Variants in INSL6 observed in about 807,000 individuals in gnomAD.
INSL6 encodes the protein insulin like 6.
A neutral mutation model predicts 9.4 loss-of-function variants in INSL6; 16 were observed. The ratio of observed to expected loss-of-function variants is 1.70; its 90% CI spans 1.15 to 2.59. The LOEUF (loss-of-function observed/expected upper bound fraction) is 2.59, where lower values mean the gene tolerates loss of function less well. Among genes scored for constraint, INSL6 ranks in the 30% most tolerant of loss-of-function variants. The pLI is 0.00. For synonymous variants in INSL6, 154 were observed against 96.9 expected (o/e 1.59, Z -3.46); for missense variants, 391 against 257.3 (o/e 1.52, Z -3.56).
At chr9:5,060,257 C>T in the INSL6 span, among the ~76,000 whole-genome samples, 1 of 152,162 alleles carries the variant, frequency 6.6e-6, no homozygotes, top group Non-Finnish European at 1.5e-5. Flanking sequence ...AGTGTGGTGG[C>T]TGCTTAAGGT....
chr9:5,044,655 A>G, the INSL6 span: 7 of 525,916 alleles, frequency 1.3e-5, no homozygotes, highest in Admixed American at 3.8e-5. Context: ...CAGAGAAGTA[A>G]CAAAATTGAG....
At chr9:5,053,849 C>T in the INSL6 span, among the ~76,000 whole-genome samples, 20 of 151,612 alleles carry the variant, frequency 1.3e-4, no homozygotes, top group Admixed American at 7.9e-4. Context: ...TGAGCCTTGT[C>T]GAATGAGTAA....
the INSL6 span, chr9:5,041,678 C>G: frequency 7.8e-6 from 4 of 511,498 alleles, no homozygotes; most frequent in South Asian, 6.0e-5. Flanking sequence ...CCAGCTACCT[C>G]TTCGACCGAA....
At chr9:5,034,166 G>C in the INSL6 span, among the ~76,000 whole-genome samples, 2 of 152,074 alleles carry the variant, frequency 1.3e-5, no homozygotes, top group African/African-American at 2.4e-5. Context: ...AATGGTAAAG[G>C]GATCAACTCA....
chr9:5,031,483 C>G, the INSL6 span, among the ~76,000 whole-genome samples: 4 of 152,004 alleles, frequency 2.6e-5, no homozygotes, highest in African/African-American at 9.7e-5. Context: ...AGAGATTAGT[C>G]AACAAATGGT....
the INSL6 span, among the ~76,000 whole-genome samples, chr9:5,057,771 C>G: frequency 6.6e-6 from 1 of 151,738 alleles, no homozygotes; most frequent in African/African-American, 2.4e-5. Context: ...TTAGTAGAGA[C>G]GGGGTTTCAC....
the INSL6 span, among the ~76,000 whole-genome samples, chr9:5,067,942 A>G: frequency 2.0e-5 from 3 of 152,120 alleles, no homozygotes; most frequent in African/African-American, 7.2e-5. Flanking sequence ...TCACGAGGTC[A>G]AGAGATTGAG....
intron 3 of INSL6, among the ~76,000 whole-genome samples, chr9:5,125,712 T>C (rs1363130467): frequency 6.6e-6 from 1 of 151,648 alleles, no homozygotes; most frequent in African/African-American, 2.4e-5. Context: ...GTTATATATA[T>C]TTTAATTTCC....
chr9:5,085,309 A>G, the INSL6 span: 13 of 742,644 alleles, frequency 1.8e-5, no homozygotes, highest in Non-Finnish European at 3.3e-5. Flanking sequence ...GGTGAAGTCG[A>G]ATACATCATC....
downstream of INSL6, among the ~76,000 whole-genome samples, chr9:5,120,561 G>A (rs879882309): frequency 4.6e-5 from 7 of 152,172 alleles, no homozygotes; most frequent in Non-Finnish European, 1.0e-4. Context: ...CTGCTTAAAT[G>A]TTGTAAAAAA....
chr9:5,180,444 G>A (rs1825426555), intron 1 of INSL6, among the ~76,000 whole-genome samples: 1 of 152,186 alleles, frequency 6.6e-6, no homozygotes, highest in Admixed American at 6.5e-5. Context: ...ATAAACGGAT[G>A]TGCAAGTAGG....
intron 1 of INSL6, among the ~76,000 whole-genome samples, chr9:5,179,515 A>G (rs544892513): frequency 1.1e-4 from 16 of 152,204 alleles, no homozygotes; most frequent in Non-Finnish European, 2.1e-4. Context: ...AAGGAATGTA[A>G]ATCATTCTGT....
At chr9:5,104,091 G>A in the INSL6 span, among the ~76,000 whole-genome samples, 1 of 151,840 alleles carries the variant, frequency 6.6e-6, no homozygotes, top group Non-Finnish European at 1.5e-5. Flanking sequence ...AGGAGATAGA[G>A]ACACAACTCT....
chr9:5,004,607 G>A, the INSL6 span, among the ~76,000 whole-genome samples: 1 of 152,264 alleles, frequency 6.6e-6, no homozygotes, highest in Admixed American at 6.5e-5. Flanking sequence ...TGGGAGTGTA[G>A]ATATTGCTTT....
intron 1 of INSL6, among the ~76,000 whole-genome samples, chr9:5,180,643 C>A (rs1825431204): frequency 6.6e-6 from 1 of 152,168 alleles, no homozygotes; most frequent in African/African-American, 2.4e-5. Flanking sequence ...TGGGGAAAAA[C>A]TCCACCCTGG....
the INSL6 span, among the ~76,000 whole-genome samples, chr9:5,031,251 G>C: frequency 6.6e-6 from 1 of 152,160 alleles, no homozygotes; most frequent in African/African-American, 2.4e-5. Flanking sequence ...ATAGCCATGA[G>C]AAAGAAGACT....
At chr9:5,073,852 C>G in the INSL6 span, 1 of 1,052,598 alleles carries the variant, frequency 9.5e-7, no homozygotes, top group Non-Finnish European at 1.4e-6. Context: ...ATAGAAAATT[C>G]AGTTTCAGGA....
chr9:5,179,954 T>C lies in INSL6; in HGVS notation c.289+5360A>G, dbSNP rs547982835. ...AGCAAACCACCATGACACACATTTA[T>C]CTATGTAACAAACCTGCACATCCTG... is the stretch of plus-strand genomic sequence containing the variant. On this transcript the variant is annotated intron_variant, in intron 1 of 1. Coordinates refer to ENST00000381641, the MANE Select transcript of INSL6 (RefSeq NM_007179.3). Among the ~76,000 whole-genome samples the C allele has an allele frequency of 3.3e-5, 5 of 152,244 alleles. No individual in the cohort carries two copies. In the East Asian group the frequency reaches 7.7e-4, roughly 23 times the overall value.
the INSL6 span, among the ~76,000 whole-genome samples, chr9:4,997,083 T>G: frequency 6.6e-6 from 1 of 151,840 alleles, no homozygotes; most frequent in East Asian, 1.9e-4. Flanking sequence ...CGAGTGCCAC[T>G]AGGCCTGGCT....
Sources: gnomAD v4.1 joint callset for allele counts (sites outside exome capture counted in the v4.1 genomes callset) on GRCh38, gnomAD v4.1.1 for gene constraint, MANE v1.5 for transcripts, NCBI Gene and HGNC (gene_info 2026-07-23, HGNC 2026-07-21) for gene names.